Variants in CRTAC1 observed in about 807,000 individuals in gnomAD.
CRTAC1 encodes the protein cartilage acidic protein 1, also known as acidic secreted protein in cartilage.
CRTAC1 carries 37 observed loss-of-function variants against 67.8 expected under a neutral mutation model. The ratio of observed to expected loss-of-function variants is 0.55; its 90% CI spans 0.42 to 0.72. The LOEUF is 0.72. Ranked by LOEUF, CRTAC1 falls within the 30% of genes least tolerant of loss-of-function variation. The probability of loss-of-function intolerance (pLI) is 0.00; values close to 1 mark genes in which losing one functional copy is unlikely to be tolerated. For synonymous variants in CRTAC1, 348 were observed against 371.0 expected (o/e 0.94, Z 0.71); for missense variants, 780 against 931.6 (o/e 0.84, Z 2.12).
intron 2 of CRTAC1, among the ~76,000 whole-genome samples, chr10:97,947,743 G>A (rs2051286789): frequency 6.6e-6 from 1 of 152,094 alleles, no homozygotes; most frequent in Admixed American, 6.5e-5. Context: ...TGGAAGATGT[G>A]GCATGAAACT....
chr10:98,020,851 G>A (rs73334672), intron 1 of CRTAC1, among the ~76,000 whole-genome samples: 3,207 of 152,316 alleles, frequency 0.021, 110 homozygotes, highest in African/African-American at 0.072. Flanking sequence ...CAGGCCCAGT[G>A]GGCCAGGGAA....
intron 1 of CRTAC1, among the ~76,000 whole-genome samples, chr10:98,022,245 C>T (rs1477881068): frequency 1.3e-5 from 2 of 152,012 alleles, no homozygotes; most frequent in Non-Finnish European, 2.9e-5. Flanking sequence ...ATCCCAGCTA[C>T]TTGGGAAGCT....
chr10:97,978,274 G>A (rs190346840), intron 2 of CRTAC1, among the ~76,000 whole-genome samples: 2 of 152,262 alleles, frequency 1.3e-5, no homozygotes, highest in Admixed American at 6.5e-5. Context: ...GGTCTCCGGT[G>A]ACTTGTGTAC....
chr10:97,919,771 C>CTTCTTTTTTTT (rs2050809603), intron 4 of CRTAC1, among the ~76,000 whole-genome samples: 2 of 106,324 alleles, frequency 1.9e-5, no homozygotes, highest in Non-Finnish European at 3.6e-5. Flanking sequence ...ACAGTACAGC[C>CTTCTTTTTTTT]TTTTTTTTTT....
intron 7 of CRTAC1, among the ~76,000 whole-genome samples, chr10:97,902,095 G>A (rs1031175730): frequency 3.9e-5 from 6 of 152,212 alleles, no homozygotes; most frequent in African/African-American, 1.4e-4. Flanking sequence ...TGAGTCAGAA[G>A]CTGGGTGGGC....
intron 2 of CRTAC1, among the ~76,000 whole-genome samples, chr10:97,972,211 A>G (rs576165855): frequency 6.6e-6 from 1 of 152,322 alleles, no homozygotes; most frequent in East Asian, 1.9e-4. Context: ...TTACTTCCAG[A>G]CCCTGAGCAA....
chr10:97,919,371 G>T (rs941107878), intron 4 of CRTAC1, among the ~76,000 whole-genome samples: 14 of 152,250 alleles, frequency 9.2e-5, no homozygotes, highest in African/African-American at 3.4e-4. Context: ...GAATTGGAGG[G>T]AAAAGAACCT....
intron 11 of CRTAC1, among the ~76,000 whole-genome samples, chr10:97,890,660 T>C (rs1474813697): frequency 2.0e-5 from 3 of 151,788 alleles, no homozygotes; most frequent in Admixed American, 1.3e-4. Flanking sequence ...TTTTCTCTTT[T>C]CTTTTCTTTC....
intron 7 of CRTAC1, among the ~76,000 whole-genome samples, chr10:97,904,270 G>A (rs1453458097): frequency 6.6e-6 from 1 of 151,934 alleles, no homozygotes; most frequent in Non-Finnish European, 1.5e-5. Flanking sequence ...AACCTTCCTT[G>A]TCACCCCACC....
Position 97,917,588 on chromosome 10 carries a change from A to G in CRTAC1, c.627T>C (p.Ile209=), listed in dbSNP as rs1316461945. 1 of 1,603,504 alleles carries G rather than the reference A, an allele frequency of 6.2e-7. No homozygotes were observed. The highest frequency in any genetic ancestry group is 1.1e-5 in the South Asian group (1 of 88,194). Residue 209 remains isoleucine, a synonymous_variant, in exon 5 of 15, where the codon ATT becomes ATC. Transcript: ENST00000370597. ...GGTCACTGGCCTCAGGGTCCATTTCAATGAGGGCATCAGGGCCCACATTAC... is the reference window on the plus strand; with the variant it reads ...GGTCACTGGCCTCAGGGTCCATTTCGATGAGGGCATCAGGGCCCACATTAC... ...AYGNVGPDAL[I]EMDPEASDLS...
At chr10:97,878,759 A>G in intron 14 of CRTAC1, 2 of 1,280,412 alleles carry the variant, frequency 1.6e-6, no homozygotes, top group Non-Finnish European at 2.1e-6. Context: ...CTTAGAAAGG[A>G]AAGGCCCTTA....
chr10:97,952,421 C>T (rs1417956634), intron 2 of CRTAC1, among the ~76,000 whole-genome samples: 1 of 150,754 alleles, frequency 6.6e-6, no homozygotes, highest in Admixed American at 6.6e-5. Flanking sequence ...ACCTGTAATC[C>T]CAGCTACTTG....
chr10:98,007,670 A>G (rs1343042682), intron 2 of CRTAC1, among the ~76,000 whole-genome samples: 1 of 152,214 alleles, frequency 6.6e-6, no homozygotes, highest in Non-Finnish European at 1.5e-5. Flanking sequence ...AAGAAGAGAT[A>G]GGGGTCTCTC....
intron 14 of CRTAC1, chr10:97,869,127 C>T (rs1391394762): frequency 1.3e-5 from 2 of 152,242 alleles, no homozygotes; most frequent in South Asian, 2.1e-4. Context: ...GGGCCTCAGC[C>T]GTCCTGGGAT....
intron 1 of CRTAC1, among the ~76,000 whole-genome samples, chr10:98,022,335 A>T (rs1843141209): frequency 6.6e-6 from 1 of 152,120 alleles, no homozygotes; most frequent in Non-Finnish European, 1.5e-5. Context: ...AGCCTGGGCA[A>T]CAAGAGCAAA....
At chr10:97,990,027 A>G (rs891598272) in intron 2 of CRTAC1, among the ~76,000 whole-genome samples, 1 of 152,220 alleles carries the variant, frequency 6.6e-6, no homozygotes, top group Non-Finnish European at 1.5e-5. Context: ...ATGACAGTAC[A>G]TAAGCATATA....
chr10:97,882,757 C>T, intron 13 of CRTAC1, 29 bp downstream of exon 13: 1 of 1,613,176 alleles, frequency 6.2e-7, no homozygotes, highest in Non-Finnish European at 8.5e-7. Context: ...GGCCTCTACC[C>T]CATGCCCTGG....
chr10:97,914,297 A>G (rs962093759), intron 5 of CRTAC1, among the ~76,000 whole-genome samples: 1 of 152,086 alleles, frequency 6.6e-6, no homozygotes, highest in Non-Finnish European at 1.5e-5. Context: ...TACCTTGCAC[A>G]GTGCTCCCTG....
At chr10:98,019,980 CT>C (rs1590299074) in intron 1 of CRTAC1, among the ~76,000 whole-genome samples, 1 of 152,260 alleles carries the variant, frequency 6.6e-6, no homozygotes, top group East Asian at 1.9e-4. Context: ...GGCACCATCT[CT>C]GCTGCCTCTT....
Sources: gnomAD v4.1 joint callset for allele counts (sites outside exome capture counted in the v4.1 genomes callset) on GRCh38, gnomAD v4.1.1 for gene constraint, MANE v1.5 for transcripts, NCBI Gene and HGNC (gene_info 2026-07-23, HGNC 2026-07-21) for gene names.